Variants in WWOX observed in about 807,000 individuals in gnomAD.
WWOX encodes WW domain-containing oxidoreductase.
A neutral mutation model predicts 46.2 loss-of-function variants in WWOX; 69 were observed. The observed-to-expected ratio is 1.49, with a 90% CI of 1.23 to 1.82. WWOX has a LOEUF of 1.82. WWOX is among the 40% of genes most tolerant of loss of function. WWOX has a pLI of 0.00. For synonymous variants in WWOX, 359 were observed against 202.6 expected, an observed-to-expected ratio of 1.77 and a Z score of -6.56; for missense variants, 919 against 542.6, an observed-to-expected ratio of 1.69 and a Z score of -6.89.
chr16:78,301,880 T>C (rs2080048324), intron 5 of WWOX, among the ~76,000 whole-genome samples: 1 of 152,056 alleles, frequency 6.6e-6, no homozygotes, highest in South Asian at 2.1e-4. Context: ...TAACATATCT[T>C]AGATCACAGA....
chr16:78,375,405 C>G (rs1421094757), intron 5 of WWOX, among the ~76,000 whole-genome samples: 1 of 152,208 alleles, frequency 6.6e-6, no homozygotes, highest in Non-Finnish European at 1.5e-5. Flanking sequence ...TATTTAATGG[C>G]TTTTCCCCAT....
Position 78,781,060 on chromosome 16 carries a change from C to T in WWOX, c.1056+348308C>T, listed in dbSNP as rs370194918. Among the ~76,000 whole-genome samples, 6 of 152,250 alleles carry T rather than the reference C, an allele frequency of 3.9e-5. 1 individual carries two copies. The highest frequency in any genetic ancestry group is 1.2e-4 in the African/African-American group (5 of 41,550). On this transcript the variant is annotated intron_variant, in intron 8 of 8. Transcript: ENST00000566780. ...GAAGATTGTTTTGCAGCTGCAACCT[C>T]AAAACAGAAGCCTCCTAATTACCAG...
chr16:78,821,284 GC>G (rs1290870724), intron 8 of WWOX, among the ~76,000 whole-genome samples: 1 of 152,126 alleles, frequency 6.6e-6, no homozygotes, highest in Non-Finnish European at 1.5e-5. Flanking sequence ...TGAGGCACAG[GC>G]TTGCCCCAGG....
At position 78,941,853 on chromosome 16, in the gene WWOX, CATG is replaced by C. The variant is rs2045858373; in HGVS notation, c.1057-269754_1057-269752del. ...CTACTATTTTTTCTTTTTTTGTAAT[CATG>C]GTGGTTCTTTTTGCCCACTTATTTA... On this transcript the variant is annotated intron_variant, in intron 8 of 8. Coordinates refer to ENST00000566780, the MANE Select transcript of WWOX (RefSeq NM_016373.4). Among the ~76,000 whole-genome samples, 5 of 152,162 alleles carry C rather than the reference CATG, an allele frequency of 3.3e-5. No individual in the cohort carries two copies. In the South Asian group the frequency reaches 1.0e-3, roughly 32 times the overall value.
intron 5 of WWOX, among the ~76,000 whole-genome samples, chr16:78,230,499 A>G (rs764587631): frequency 2.0e-5 from 3 of 152,220 alleles, no homozygotes; most frequent in Admixed American, 6.5e-5. Context: ...CTAAAATTGC[A>G]TTTGAATTAA....
intron 5 of WWOX, among the ~76,000 whole-genome samples, chr16:78,351,591 G>T (rs2081185198): frequency 6.6e-6 from 1 of 152,198 alleles, no homozygotes; most frequent in Admixed American, 6.5e-5. Flanking sequence ...TCCTGACTAA[G>T]CGGAGCAGAT....
intron 8 of WWOX, among the ~76,000 whole-genome samples, chr16:78,593,077 C>G (rs1597318974): frequency 6.6e-6 from 1 of 152,142 alleles, no homozygotes; most frequent in East Asian, 1.9e-4. Context: ...GCTCTTTAGC[C>G]AAGGAAGAAA....
chr16:79,208,660 TTC>T (rs1491020294), intron 8 of WWOX, among the ~76,000 whole-genome samples: 1 of 152,084 alleles, frequency 6.6e-6, no homozygotes, highest in African/African-American at 2.4e-5. Context: ...TAAGAATGCT[TTC>T]TCTTTTATTG....
rs538601255 is a variant in WWOX, at chr16:79,165,734, A to G, written c.1057-45874A>G. ...CTGTCCTGTTTACTCTGTCAGGGTG[A>G]AAAGCACAGGCCAAGCTCGGCTAGT... On this transcript the variant is annotated intron_variant, in intron 8 of 8. Transcript: ENST00000566780. 5.3e-5 allele frequency among the ~76,000 whole-genome samples: 8 copies of G among 152,292 alleles called. No individual in the cohort carries two copies. In the South Asian group the frequency reaches 1.7e-3, roughly 32 times the overall value.
chr16:78,356,091 A>AAAAAAAG (rs1281293467), intron 5 of WWOX, among the ~76,000 whole-genome samples: 1 of 76,700 alleles, frequency 1.3e-5, no homozygotes, highest in Non-Finnish European at 2.9e-5. Flanking sequence ...AAAAAAAAAA[A>AAAAAAAG]AAGAAGAATC....
At chr16:78,765,480 A>T (rs541093758) in intron 8 of WWOX, among the ~76,000 whole-genome samples, 1 of 152,114 alleles carries the variant, frequency 6.6e-6, no homozygotes, top group East Asian at 1.9e-4. Context: ...GGAGTTCGAG[A>T]CCAGCCTGGC....
chr16:78,957,229 G>C (rs76074231), intron 8 of WWOX, among the ~76,000 whole-genome samples: 2 of 152,220 alleles, frequency 1.3e-5, no homozygotes, highest in East Asian at 1.9e-4. Context: ...AAACCACACC[G>C]CCGTCCTTTT....
At chr16:78,905,544 G>A (rs1184156311) in intron 8 of WWOX, among the ~76,000 whole-genome samples, 1 of 152,036 alleles carries the variant, frequency 6.6e-6, no homozygotes, top group East Asian at 1.9e-4. Flanking sequence ...ACCACACCTA[G>A]TTAATTTTTT....
chr16:78,784,431 G>T (rs569081861), intron 8 of WWOX, among the ~76,000 whole-genome samples: 1 of 151,904 alleles, frequency 6.6e-6, no homozygotes, highest in Non-Finnish European at 1.5e-5. Context: ...CCCTTAGGCC[G>T]CTGGTGAGTG....
intron 4 of WWOX, among the ~76,000 whole-genome samples, chr16:78,131,702 C>T (rs1567589334): frequency 6.6e-6 from 1 of 151,966 alleles, no homozygotes; most frequent in Non-Finnish European, 1.5e-5. Context: ...CTGCCTCAGC[C>T]TCCTGAGTAG....
At chr16:78,491,526 A>C (rs2084784128) in intron 8 of WWOX, among the ~76,000 whole-genome samples, 1 of 152,052 alleles carries the variant, frequency 6.6e-6, no homozygotes, top group Non-Finnish European at 1.5e-5. Context: ...GCAGTGGCAG[A>C]GTCTCTGTGC....
At chr16:78,672,336 C>T (rs565614056) in intron 8 of WWOX, among the ~76,000 whole-genome samples, 2 of 152,302 alleles carry the variant, frequency 1.3e-5, no homozygotes, top group Admixed American at 1.3e-4. Flanking sequence ...GGCGGAAGTG[C>T]TTGTTAACTT....
chr16:78,317,572 AGAGTGTGTGACTGT>A (rs1225193756), intron 5 of WWOX, among the ~76,000 whole-genome samples: 4 of 152,136 alleles, frequency 2.6e-5, no homozygotes, highest in Admixed American at 2.6e-4. Context: ...CCAGAACCTG[AGAGTGTGTGACTGT>A]GAGTGTGTGT....
rs539038626 is a variant in WWOX at position 78,604,258 on chromosome 16, C to T, written c.1056+171506C>T. On this transcript the variant is annotated intron_variant, in intron 8 of 8. Coordinates refer to ENST00000566780, the MANE Select transcript of WWOX (RefSeq NM_016373.4). ...CTCCAAATGTAACTCCTGGGGCACCCTTCCTTATTTTCTCTACCACACCAA... is the reference window on the plus strand; with the variant it reads ...CTCCAAATGTAACTCCTGGGGCACCTTTCCTTATTTTCTCTACCACACCAA... 5.9e-5 allele frequency among the ~76,000 whole-genome samples: 9 copies of T among 152,266 alleles called. No individual in the cohort carries two copies. In the South Asian group the frequency reaches 1.9e-3, roughly 32 times the overall value.
Sources: gnomAD v4.1 joint callset for allele counts (sites outside exome capture counted in the v4.1 genomes callset) on GRCh38, gnomAD v4.1.1 for gene constraint, MANE v1.5 for transcripts, NCBI Gene and HGNC (gene_info 2026-07-23, HGNC 2026-07-21) for gene names.